MACROD2: variants seen among roughly 807,000 people sequenced by gnomAD.
The protein encoded by MACROD2 is ADP-ribose glycohydrolase MACROD2.
In MACROD2, 36 loss-of-function variants were observed where a neutral mutation model predicts 70.4. The ratio of observed to expected loss-of-function variants is 0.51; its 90% CI spans 0.39 to 0.68. The LOEUF (loss-of-function observed/expected upper bound fraction) is 0.68, where lower values mean the gene tolerates loss of function less well. MACROD2 is among the 30% of genes least tolerant of loss of function. The probability of loss-of-function intolerance (pLI) is 0.00; values close to 1 mark genes in which losing one functional copy is unlikely to be tolerated. For synonymous variants in MACROD2, 172 were observed against 178.8 expected, an observed-to-expected ratio of 0.96 and a Z score of 0.30; for missense variants, 496 against 538.4, an observed-to-expected ratio of 0.92 and a Z score of 0.78.
intron 3 of MACROD2, among the ~76,000 whole-genome samples, chr20:14,357,725 T>G (rs1427173563): frequency 6.6e-6 from 1 of 152,252 alleles, no homozygotes; most frequent in Non-Finnish European, 1.5e-5. Flanking sequence ...AGCTGCTGGC[T>G]TTTACTGCTA....
In MACROD2 at chr20:15,683,464, A is replaced by C. The variant is rs2050187448; in HGVS notation, c.646-179281A>C. Among the ~76,000 whole-genome samples the C allele has an allele frequency of 2.6e-5, 4 of 152,344 alleles. No individual in the cohort carries two copies. The South Asian group carries it at 6.2e-4, about 24-fold the overall frequency. ...ATAGAAAATACTTTCAAAGCATATAAAATTATTGGAAAATTAACATAACCC... is the reference window on the plus strand; with the variant it reads ...ATAGAAAATACTTTCAAAGCATATACAATTATTGGAAAATTAACATAACCC... On this transcript the variant is annotated intron_variant, in intron 8 of 17. Coordinates refer to ENST00000684519, the MANE Select transcript of MACROD2 (RefSeq NM_001351661.2).
At chr20:14,512,569 G>T (rs527833468) in intron 4 of MACROD2, among the ~76,000 whole-genome samples, 1 of 152,098 alleles carries the variant, frequency 6.6e-6, no homozygotes, top group Non-Finnish European at 1.5e-5. Context: ...AGACCTCGCT[G>T]CCCAGAAGAT....
chr20:15,368,030 A>G (rs1019769053), intron 6 of MACROD2, among the ~76,000 whole-genome samples: 2 of 152,208 alleles, frequency 1.3e-5, no homozygotes, highest in Admixed American at 6.5e-5. Context: ...CCAGAGGACC[A>G]TAAAACACAT....
intron 8 of MACROD2, among the ~76,000 whole-genome samples, chr20:15,580,363 A>T (rs1301214128): frequency 6.6e-6 from 1 of 151,216 alleles, no homozygotes; most frequent in Admixed American, 6.6e-5. Context: ...CTCCACTCCC[A>T]CTCCCACACT....
intron 3 of MACROD2, among the ~76,000 whole-genome samples, chr20:14,353,187 A>C (rs892681228): frequency 6.6e-6 from 1 of 152,102 alleles, no homozygotes. Flanking sequence ...GTTTCTTCCA[A>C]CTTGTTGCTT....
chr20:14,333,033 G>A (rs2082872902), intron 3 of MACROD2, among the ~76,000 whole-genome samples: 1 of 151,976 alleles, frequency 6.6e-6, no homozygotes. Context: ...AATTTTCCAT[G>A]ATCATCAGAT....
intron 3 of MACROD2, among the ~76,000 whole-genome samples, chr20:14,296,601 A>G (rs2082429480): frequency 6.6e-6 from 1 of 152,036 alleles, no homozygotes; most frequent in African/African-American, 2.4e-5. Flanking sequence ...AGGCAACATT[A>G]AAGTATAGCT....
intron 4 of MACROD2, among the ~76,000 whole-genome samples, chr20:14,628,176 G>T (rs1984294068): frequency 6.6e-6 from 1 of 152,188 alleles, no homozygotes; most frequent in Non-Finnish European, 1.5e-5. Context: ...ATCAGACCAA[G>T]GAGTGTGGCA....
chr20:15,946,116 C>T (rs917894898), intron 12 of MACROD2, among the ~76,000 whole-genome samples: 4 of 152,160 alleles, frequency 2.6e-5, no homozygotes, highest in African/African-American at 9.7e-5. Context: ...ACCCAAAGCA[C>T]TTTGTATTAT....
intron 5 of MACROD2, among the ~76,000 whole-genome samples, chr20:14,899,975 C>G (rs1425091675): frequency 6.6e-6 from 1 of 152,096 alleles, no homozygotes; most frequent in Non-Finnish European, 1.5e-5. Context: ...TGAAGAGGTT[C>G]TCTTCTATTC....
At chr20:15,285,080 G>C (rs1314548412) in intron 6 of MACROD2, among the ~76,000 whole-genome samples, 1 of 152,074 alleles carries the variant, frequency 6.6e-6, no homozygotes, top group Non-Finnish European at 1.5e-5. Flanking sequence ...TTGGAAATAG[G>C]TAAAAGAATG....
At chr20:15,068,900 A>G (rs1253408215) in intron 5 of MACROD2, among the ~76,000 whole-genome samples, 1 of 152,194 alleles carries the variant, frequency 6.6e-6, no homozygotes, top group Non-Finnish European at 1.5e-5. Flanking sequence ...CAGGGTTGGA[A>G]GAGTTTGGAA....
intron 8 of MACROD2, among the ~76,000 whole-genome samples, chr20:15,669,823 G>A (rs187290834): frequency 6.6e-6 from 1 of 152,172 alleles, no homozygotes; most frequent in African/African-American, 2.4e-5. Flanking sequence ...GGGCACAAAG[G>A]GCAGGTGGGA....
chr20:14,997,841 G>A (rs754884022), intron 5 of MACROD2, among the ~76,000 whole-genome samples: 2 of 152,218 alleles, frequency 1.3e-5, no homozygotes, highest in East Asian at 1.9e-4. Context: ...TCCCAGTGAC[G>A]GCAGCTATAG....
intron 2 of MACROD2, among the ~76,000 whole-genome samples, chr20:14,034,779 ACAT>A (rs2053287917): frequency 6.6e-6 from 1 of 152,236 alleles, no homozygotes; most frequent in Non-Finnish European, 1.5e-5. Context: ...TTGTTTCCTC[ACAT>A]CATTTGCTCA....
intron 3 of MACROD2, among the ~76,000 whole-genome samples, chr20:14,430,094 G>T (rs2083978249): frequency 6.6e-6 from 1 of 152,174 alleles, no homozygotes; most frequent in Non-Finnish European, 1.5e-5. Context: ...AGAACAGCAT[G>T]AATCAAGTTG....
intron 4 of MACROD2, among the ~76,000 whole-genome samples, chr20:14,645,027 A>G (rs1048398368): frequency 6.6e-6 from 1 of 152,170 alleles, no homozygotes; most frequent in Admixed American, 6.6e-5. Flanking sequence ...TTATTTGCAC[A>G]GGGGTAATGA....
intron 6 of MACROD2, among the ~76,000 whole-genome samples, chr20:15,419,471 C>T (rs2046198893): frequency 6.6e-6 from 1 of 152,156 alleles, no homozygotes; most frequent in Non-Finnish European, 1.5e-5. Flanking sequence ...GAGGAATGCT[C>T]CCAGGTGTAT....
rs535002629 is a variant in MACROD2 at position 15,824,616 on chromosome 20, T to C, written c.646-38129T>C. 7.9e-5 allele frequency among the ~76,000 whole-genome samples: 12 copies of C among 152,288 alleles called. 1 individual carries two copies. The South Asian group carries it at 2.5e-3, about 32-fold the overall frequency. On this transcript the variant is annotated intron_variant, in intron 8 of 17. Coordinates refer to ENST00000684519, the MANE Select transcript of MACROD2 (RefSeq NM_001351661.2). Reference sequence around the variant, plus strand: ...TTCTTCTGCTTTGCTGAGTGGCCTGTGAAAAGAGCTTAACACCAGTGTAGC... The same window carrying C: ...TTCTTCTGCTTTGCTGAGTGGCCTGCGAAAAGAGCTTAACACCAGTGTAGC...
Sources: allele counts gnomAD v4.1 joint callset (sites outside exome capture counted in the v4.1 genomes callset), GRCh38; gene constraint gnomAD v4.1.1; transcripts MANE v1.5; gene names NCBI Gene and HGNC (gene_info 2026-07-23, HGNC 2026-07-21).